Variants in MMS22L observed in about 807,000 individuals in gnomAD.
MMS22L encodes protein MMS22-like.
A neutral mutation model predicts 159.1 loss-of-function variants in MMS22L; 74 were observed. The ratio of observed to expected loss-of-function variants is 0.47; its 90% CI spans 0.39 to 0.56. The LOEUF is 0.56. MMS22L is among the 20% of genes least tolerant of loss of function. The pLI, the probability that MMS22L is intolerant of heterozygous loss-of-function variation, is 0.00. For synonymous variants in MMS22L, 517 were observed against 506.9 expected, an observed-to-expected ratio of 1.02 and a Z score of -0.27; for missense variants, 1,351 against 1,422.1, an observed-to-expected ratio of 0.95 and a Z score of 0.80.
chr6:97,240,382 T>C (rs1425502368), intron 11 of MMS22L, among the ~76,000 whole-genome samples: 3 of 152,208 alleles, frequency 2.0e-5, no homozygotes, highest in Non-Finnish European at 4.4e-5. Flanking sequence ...ATTAGTCATA[T>C]TATTCCTACT....
intron 10 of MMS22L, among the ~76,000 whole-genome samples, chr6:97,247,647 G>T (rs866334148): frequency 4.1e-4 from 63 of 152,212 alleles, no homozygotes; most frequent in African/African-American, 1.5e-3. Flanking sequence ...GAACCCAGGA[G>T]GTGTAGGTTG....
chr6:97,184,029 C>A (rs1804976669), intron 15 of MMS22L, among the ~76,000 whole-genome samples: 1 of 152,100 alleles, frequency 6.6e-6, no homozygotes, highest in African/African-American at 2.4e-5. Flanking sequence ...CACCTTTTCT[C>A]TGGAATCATC....
intron 19 of MMS22L, among the ~76,000 whole-genome samples, chr6:97,172,747 A>G (rs1803679207): frequency 6.6e-6 from 1 of 152,132 alleles, no homozygotes; most frequent in Non-Finnish European, 1.5e-5. Flanking sequence ...GTTTTTTTAA[A>G]AAAGGTCCAT....
intron 22 of MMS22L, among the ~76,000 whole-genome samples, chr6:97,155,602 T>C (rs996536335): frequency 2.6e-5 from 4 of 152,176 alleles, no homozygotes; most frequent in African/African-American, 2.4e-5. Flanking sequence ...CTGAGAATGA[T>C]GGTTTCCAGT....
At chr6:97,182,969 T>C (rs570611553) in intron 15 of MMS22L, among the ~76,000 whole-genome samples, 1 of 152,228 alleles carries the variant, frequency 6.6e-6, no homozygotes, top group East Asian at 1.9e-4. Flanking sequence ...TTGTGATTAT[T>C]TTTCTCCAGT....
intron 20 of MMS22L, 30 bp downstream of exon 20, chr6:97,168,041 T>A (rs768059694): frequency 1.3e-5 from 20 of 1,522,206 alleles, no homozygotes; most frequent in Middle Eastern, 3.5e-4. Context: ...ATTTTTTTTT[T>A]AAACTTTTAA....
rs1427200167 is a variant in MMS22L, at chr6:97,143,711, T to C, written c.*3095A>G. ...ATGCCTCTGACATTTCAAGGCTAAA[T>C]AACTTAGGACAATAGTGTATTCCCT... On this transcript the variant is annotated 3_prime_UTR_variant, in exon 25 of 25. Coordinates refer to ENST00000683635, the MANE Select transcript of MMS22L (RefSeq NM_001350599.2). 6.6e-6 allele frequency: 1 copy of C among 152,056 alleles called. No individual in the cohort carries two copies. Among genetic ancestry groups the C allele is most frequent in the Non-Finnish European group, 1.5e-5 (1 of 68,020 alleles). 9.4% of individuals were successfully genotyped at this position (152,056 alleles called of 1,614,324 possible).
intron 22 of MMS22L, among the ~76,000 whole-genome samples, chr6:97,155,983 C>G (rs1386373189): frequency 6.6e-6 from 1 of 152,182 alleles, no homozygotes; most frequent in African/African-American, 2.4e-5. Flanking sequence ...CACATCCTCT[C>G]CAGCATCTGT....
At chr6:97,159,131 A>ATTT (rs140191756) in intron 22 of MMS22L, among the ~76,000 whole-genome samples, 2,590 of 144,420 alleles carry the variant, frequency 0.018, 76 homozygotes, top group African/African-American at 0.062. Context: ...GCAACCCCTG[A>ATTT]TTTTTTTTTT....
chr6:97,272,691 A>G lies in MMS22L; in HGVS notation c.606+13T>C. 1.3e-6 allele frequency: 2 copies of G among 1,594,790 alleles called. No homozygotes were observed. The highest frequency in any genetic ancestry group is 1.1e-5 in the South Asian group (1 of 87,702). ...AAGCTGATAATTTAAAAATCAAATG[A>G]AACAAGTCAAACCTTAATCTGGTTT... On this transcript the variant is annotated intron_variant, in intron 6 of 24. Transcript: ENST00000683635.
intron 11 of MMS22L, chr6:97,245,982 C>A: frequency 2.3e-5 from 5 of 221,644 alleles, no homozygotes; most frequent in South Asian, 5.5e-5. Flanking sequence ...TCCCAAATTC[C>A]AAAATATTAT....
Position 97,282,342 on chromosome 6 carries a change from A to AT in MMS22L, c.135dup (p.Ser46IlefsTer9), listed in dbSNP as rs766393227. On this transcript the variant is annotated frameshift_variant, in exon 2 of 25. Transcript: ENST00000683635. LOFTEE classifies it high-confidence loss of function. ...TTAAGGGCTCCGCTGCAGAGGTAGG[A>AT]TTCTCCAGAAAAATGTTTTCCTCCT... The AT allele has an allele frequency of 6.2e-7, 1 of 1,614,004 alleles. No individual in the cohort carries two copies. The highest frequency in any genetic ancestry group is 1.3e-5 in the African/African-American group (1 of 74,908).
intron 8 of MMS22L, chr6:97,265,295 A>G (rs1814971297): frequency 6.6e-6 from 1 of 152,256 alleles, no homozygotes; most frequent in Non-Finnish European, 1.5e-5. Context: ...GGACAACTGG[A>G]TATCCACATA....
chr6:97,226,769 T>A (rs1562480274), intron 14 of MMS22L, among the ~76,000 whole-genome samples: 1 of 152,128 alleles, frequency 6.6e-6, no homozygotes, highest in Non-Finnish European at 1.5e-5. Flanking sequence ...TTTATTTCTA[T>A]GGATTAGAAC....
At position 97,144,791 on chromosome 6, in the gene MMS22L, CT is replaced by C. The variant is rs1800821106; in HGVS notation, c.*2014del. 1 of 151,880 alleles carries C rather than the reference CT, an allele frequency of 6.6e-6. No individual in the cohort carries two copies. The highest frequency in any genetic ancestry group is 1.5e-5 in the Non-Finnish European group (1 of 67,946). 9.4% of individuals were successfully genotyped at this position (151,880 alleles called of 1,614,324 possible). A position where few individuals can be genotyped will look rare whatever the true frequency, so the allele number is the denominator to read the frequency against. On this transcript the variant is annotated 3_prime_UTR_variant, in exon 25 of 25. Transcript: ENST00000683635. ...CTTCTTTTTTCAATTTAAAAAAAAG[CT>C]TTAAAAAAAGTTACTTATACATAAA...
chr6:97,179,380 C>A, intron 17 of MMS22L, 28 bp downstream of exon 17: 1 of 1,598,506 alleles, frequency 6.3e-7, no homozygotes, highest in Non-Finnish European at 8.5e-7. Context: ...ATACCCCCAT[C>A]CTCCCCAAAA....
At chr6:97,226,745 T>A (rs1387488098) in intron 14 of MMS22L, among the ~76,000 whole-genome samples, 1 of 152,132 alleles carries the variant, frequency 6.6e-6, no homozygotes, top group East Asian at 1.9e-4. Flanking sequence ...TCTGGAAGGT[T>A]CTATAGAAAC....
At chr6:97,147,032 A>G in intron 24 of MMS22L, 145 bp from the exon 25 acceptor site, 1 of 532,076 alleles carries the variant, frequency 1.9e-6, no homozygotes, top group Non-Finnish European at 3.3e-6. Flanking sequence ...CACTTCTTAA[A>G]AAGTAATGCT....
intron 22 of MMS22L, among the ~76,000 whole-genome samples, chr6:97,157,424 T>C (rs1801972982): frequency 6.6e-6 from 1 of 152,210 alleles, no homozygotes. Flanking sequence ...TTTCCAGTTT[T>C]TGTCCATTCA....
Sources: gnomAD v4.1 joint callset for allele counts (sites outside exome capture counted in the v4.1 genomes callset) on GRCh38, gnomAD v4.1.1 for gene constraint, MANE v1.5 for transcripts, NCBI Gene and HGNC (gene_info 2026-07-23, HGNC 2026-07-21) for gene names.